The following MED24 variants were observed in gnomAD, a reference collection of about 807,000 sequenced individuals.
MED24 encodes the protein mediator of RNA polymerase II transcription subunit 24.
A neutral mutation model predicts 118.8 loss-of-function variants in MED24; 74 were observed. The ratio of observed to expected loss-of-function variants is 0.62; its 90% CI spans 0.52 to 0.76. The LOEUF (loss-of-function observed/expected upper bound fraction) is 0.76. Among genes scored for constraint, MED24 ranks in the 30% least tolerant of loss-of-function variants. MED24 has a pLI of 0.00. For synonymous variants in MED24, 521 were observed against 523.9 expected (o/e 0.99, Z 0.08); for missense variants, 1,041 against 1,278.9 (o/e 0.81, Z 2.84).
intron 6 of MED24, chr17:40,034,866 C>A: frequency 3.9e-6 from 1 of 256,290 alleles, no homozygotes; most frequent in Non-Finnish European, 8.1e-6. Flanking sequence ...CCACCCCCCA[C>A]CCCCAGCACC....
chr17:40,031,463 T>C (rs1375705668), intron 11 of MED24, 75 bp downstream of exon 11: 16 of 1,445,008 alleles, frequency 1.1e-5, no homozygotes, highest in Non-Finnish European at 1.5e-5. Context: ...CCCCTGAGGC[T>C]TCTCTGGCAC....
chr17:40,052,216 C>G (rs796875992), intron 3 of MED24, among the ~76,000 whole-genome samples: 1 of 152,116 alleles, frequency 6.6e-6, no homozygotes, highest in South Asian at 2.1e-4. Context: ...TCGCTTGAAC[C>G]CGGGAAACGG....
chr17:40,026,527 T>C, intron 18 of MED24, 120 bp downstream of exon 18: 2 of 1,158,632 alleles, frequency 1.7e-6, no homozygotes, highest in Non-Finnish European at 2.5e-6. Context: ...ACACAAAATA[T>C]CAATATCAAA....
intron 15 of MED24, 106 bp downstream of exon 15, chr17:40,027,803 C>A (rs1157819527): frequency 7.2e-6 from 9 of 1,245,622 alleles, no homozygotes; most frequent in Non-Finnish European, 1.1e-5. Context: ...GAGGAGGGAG[C>A]ACAGCCTCCC....
rs1445985664 is a variant in MED24 at position 40,035,268 on chromosome 17, T to G, written c.408A>C (p.Ala136=). Residue 136 remains alanine, a synonymous_variant, in exon 6 of 26, where the codon GCA becomes GCC. Transcript: ENST00000394128. ...SALHWLLRCT[A]ASAERLREGL... ...CCTCCCGCAGCCGCTCTGCAGAGGC[T>G]GCCGTGCAGCGCAGCAGCCAGTGGA... 6.2e-7 allele frequency: 1 copy of G among 1,613,678 alleles called. No individual in the cohort carries two copies. Among genetic ancestry groups the G allele is most frequent in the East Asian group, 2.2e-5 (1 of 44,874 alleles).
intron 3 of MED24, among the ~76,000 whole-genome samples, chr17:40,044,119 C>T (rs1984882015): frequency 8.5e-6 from 1 of 117,454 alleles, no homozygotes; most frequent in South Asian, 2.8e-4. Context: ...AGGAGTGAGA[C>T]TCTGTCTCAC....
chr17:40,031,303 G>T, intron 11 of MED24, 58 bp from the exon 12 acceptor site: 1 of 1,466,924 alleles, frequency 6.8e-7, no homozygotes, highest in African/African-American at 1.4e-5. Flanking sequence ...GTGAGGGGTG[G>T]GAGTGGCAGG....
chr17:40,024,078 G>A (rs1480202864), intron 19 of MED24, among the ~76,000 whole-genome samples: 1 of 152,126 alleles, frequency 6.6e-6, no homozygotes, highest in Non-Finnish European at 1.5e-5. Context: ...TGCTTAGAAT[G>A]GGTTACACCA....
intron 3 of MED24, among the ~76,000 whole-genome samples, chr17:40,044,031 G>A (rs1171455227): frequency 6.6e-6 from 1 of 150,916 alleles, no homozygotes; most frequent in Admixed American, 6.6e-5. Context: ...TGGAGGCTGA[G>A]GCAGGAGAAT....
chr17:40,032,201 C>A, intron 9 of MED24, 111 bp from the exon 10 acceptor site: 1 of 1,287,150 alleles, frequency 7.8e-7, no homozygotes, highest in South Asian at 1.2e-5. Context: ...CAGGAACACT[C>A]CTACCCTGGG....
At chr17:40,042,986 C>G (rs747272190) in intron 3 of MED24, among the ~76,000 whole-genome samples, 1 of 152,262 alleles carries the variant, frequency 6.6e-6, no homozygotes, top group Non-Finnish European at 1.5e-5. Flanking sequence ...GGATCTCACT[C>G]TGTCACACAG....
intron 23 of MED24, among the ~76,000 whole-genome samples, chr17:40,020,910 T>C (rs1168037957): frequency 6.6e-6 from 1 of 151,498 alleles, no homozygotes; most frequent in African/African-American, 2.4e-5. Flanking sequence ...CCGTCTCTAC[T>C]AAAAATACAA....
chr17:40,039,967 T>C (rs542507503), intron 3 of MED24, among the ~76,000 whole-genome samples: 1 of 147,744 alleles, frequency 6.8e-6, no homozygotes, highest in Non-Finnish European at 1.5e-5. Flanking sequence ...GTATTCTTAG[T>C]AGAAGCGGGG....
intron 3 of MED24, among the ~76,000 whole-genome samples, chr17:40,048,083 A>G (rs1985442869): frequency 6.6e-6 from 1 of 152,262 alleles, no homozygotes; most frequent in Non-Finnish European, 1.5e-5. Context: ...TTTTTACGGA[A>G]GTCTTGTCAT....
At chr17:40,050,060 G>T (rs1985658921) in intron 3 of MED24, among the ~76,000 whole-genome samples, 1 of 147,354 alleles carries the variant, frequency 6.8e-6, no homozygotes, top group Non-Finnish European at 1.5e-5. Flanking sequence ...TGAGGCAGAA[G>T]AATTGCTTGA....
intron 3 of MED24, among the ~76,000 whole-genome samples, chr17:40,044,911 G>T (rs997189759): frequency 6.6e-6 from 1 of 151,738 alleles, no homozygotes; most frequent in Admixed American, 6.6e-5. Flanking sequence ...TCCAGCGTTG[G>T]CAAAGGTATG....
At chr17:40,035,580 C>T in intron 5 of MED24, 142 bp downstream of exon 5, 1 of 934,558 alleles carries the variant, frequency 1.1e-6, no homozygotes, top group Middle Eastern at 3.0e-4. Context: ...AAAAGGAGGG[C>T]ACAGGTAAGT....
intron 3 of MED24, 63 bp from the exon 4 acceptor site, chr17:40,036,217 C>CT: frequency 4.0e-6 from 6 of 1,511,618 alleles, no homozygotes; most frequent in Non-Finnish European, 5.5e-6. Context: ...GAGGAACAAA[C>CT]ACTGATGCTT....
Position 40,033,151 on chromosome 17 carries a change from T to C in MED24, c.727A>G (p.Thr243Ala), listed in dbSNP as rs748508700. Residue 243 changes from threonine (T) to alanine (A), a missense_variant, in exon 8 of 26, where the codon ACT (threonine) becomes GCT (alanine). Thr to Ala is a moderately conservative substitution (Grantham distance 58, BLOSUM62 0). Coordinates refer to ENST00000394128, the MANE Select transcript of MED24 (RefSeq NM_014815.4). The surrounding 1 kb of genome is among the most constrained non-coding windows in gnomAD (Gnocchi z 5.2). ...AEQMHKTGFP[T>A]VHAVILLEGT... ...TCGAGCAGGATCACGGCGTGGACAGTGGGGAAGCCGGTCTTGTGCATCTGC... is the reference window on the plus strand; with the variant it reads ...TCGAGCAGGATCACGGCGTGGACAGCGGGGAAGCCGGTCTTGTGCATCTGC... The C allele has an allele frequency of 1.2e-6, 2 of 1,614,054 alleles. No homozygotes were observed. Among genetic ancestry groups the C allele is most frequent in the Middle Eastern group, 1.6e-4 (1 of 6,062 alleles).
Sources: allele counts gnomAD v4.1 joint callset (sites outside exome capture counted in the v4.1 genomes callset), GRCh38; gene constraint gnomAD v4.1.1; non-coding constraint Gnocchi (gnomAD v3.1); transcripts MANE v1.5; gene names NCBI Gene and HGNC (gene_info 2026-07-23, HGNC 2026-07-21).